The following PLXDC2 variants were observed in gnomAD, a reference collection of about 807,000 sequenced individuals.
PLXDC2 encodes the protein plexin domain containing 2, also known as plexin domain-containing protein 2.
PLXDC2 carries 40 observed loss-of-function variants against 68.9 expected under a neutral mutation model. That is an observed-to-expected ratio of 0.58 (90% CI 0.45 to 0.76). The LOEUF (loss-of-function observed/expected upper bound fraction) is 0.76. Ranked by LOEUF, PLXDC2 falls within the 30% of genes least tolerant of loss-of-function variation. The pLI is 0.00. For missense variants in PLXDC2, 644 were observed against 661.9 expected (o/e 0.97, Z 0.30); for synonymous variants, 243 against 234.2 (o/e 1.04, Z -0.34).
At chr10:20,151,193 C>T (rs1834147907) in intron 6 of PLXDC2, among the ~76,000 whole-genome samples, 1 of 151,914 alleles carries the variant, frequency 6.6e-6, no homozygotes, top group Non-Finnish European at 1.5e-5. Context: ...TAAGAGAGTC[C>T]CCTTGCATTT....
At chr10:19,837,399 A>AGT (rs1319643480) in intron 1 of PLXDC2, among the ~76,000 whole-genome samples, 7 of 107,836 alleles carry the variant, frequency 6.5e-5, no homozygotes, top group Non-Finnish European at 9.4e-5. Flanking sequence ...AGAGAGAGAG[A>AGT]GAGAGAGAGA....
chr10:20,174,883 G>T lies in PLXDC2; in HGVS notation c.884-2116G>T, dbSNP rs1834505441. On this transcript the variant is annotated intron_variant, in intron 7 of 13. Coordinates refer to ENST00000377252, the MANE Select transcript of PLXDC2 (RefSeq NM_032812.9). ...CCTCTGCAAGTTCTCGGATGAGTAGGTATCTTCCTTTTCTGAACACTTCTA... is the reference window on the plus strand; with the variant it reads ...CCTCTGCAAGTTCTCGGATGAGTAGTTATCTTCCTTTTCTGAACACTTCTA... 2.0e-5 allele frequency among the ~76,000 whole-genome samples: 3 copies of T among 152,144 alleles called. No homozygotes were observed. The South Asian group carries it at 6.2e-4, about 32-fold the overall frequency.
intron 6 of PLXDC2, among the ~76,000 whole-genome samples, chr10:20,154,374 G>C (rs1271802804): frequency 6.6e-6 from 1 of 152,058 alleles, no homozygotes; most frequent in African/African-American, 2.4e-5. Context: ...AGACCAGCCT[G>C]GCAACATGGT....
chr10:19,999,363 A>T (rs1487571944), intron 1 of PLXDC2, among the ~76,000 whole-genome samples: 1 of 150,698 alleles, frequency 6.6e-6, no homozygotes, highest in African/African-American at 2.4e-5. Flanking sequence ...TTTAATGAAG[A>T]CAAATCCTTT....
chr10:19,896,641 A>T (rs1234206776), intron 1 of PLXDC2, among the ~76,000 whole-genome samples: 1 of 152,164 alleles, frequency 6.6e-6, no homozygotes, highest in African/African-American at 2.4e-5. Flanking sequence ...AGCTTCGTGG[A>T]TGGCAGTTCT....
At chr10:19,848,435 G>C (rs1005633606) in intron 1 of PLXDC2, among the ~76,000 whole-genome samples, 2 of 152,120 alleles carry the variant, frequency 1.3e-5, no homozygotes, top group East Asian at 1.9e-4. Context: ...ACTTCTACCA[G>C]TTCCCCAGCA....
At chr10:19,968,905 A>G (rs1834306683) in intron 1 of PLXDC2, among the ~76,000 whole-genome samples, 1 of 152,148 alleles carries the variant, frequency 6.6e-6, no homozygotes, top group Admixed American at 6.5e-5. Flanking sequence ...CAAATTGAAA[A>G]CAGGTGGCAA....
intron 4 of PLXDC2, among the ~76,000 whole-genome samples, chr10:20,090,498 T>C (rs1833262185): frequency 6.6e-6 from 1 of 152,082 alleles, no homozygotes; most frequent in Admixed American, 6.6e-5. Context: ...ATATTGTCCA[T>C]ATATTTAAAC....
intron 4 of PLXDC2, among the ~76,000 whole-genome samples, chr10:20,115,986 T>C (rs1303456036): frequency 6.6e-6 from 1 of 152,220 alleles, no homozygotes; most frequent in African/African-American, 2.4e-5. Context: ...CTTTAGCAGA[T>C]AGAAAGTGGA....
At chr10:19,974,992 A>G (rs989259068) in intron 1 of PLXDC2, among the ~76,000 whole-genome samples, 3 of 152,208 alleles carry the variant, frequency 2.0e-5, no homozygotes, top group Non-Finnish European at 4.4e-5. Flanking sequence ...ATATGAACAC[A>G]TAGTTTAAAG....
chr10:19,818,329 T>G (rs1185241780), intron 1 of PLXDC2, among the ~76,000 whole-genome samples: 1 of 137,020 alleles, frequency 7.3e-6, no homozygotes, highest in East Asian at 2.3e-4. Flanking sequence ...AACTAGAGAG[T>G]CACAGATGGA....
intron 1 of PLXDC2, among the ~76,000 whole-genome samples, chr10:19,866,055 A>G (rs760359382): frequency 6.6e-6 from 1 of 152,220 alleles, no homozygotes; most frequent in African/African-American, 2.4e-5. Context: ...ATACATTGCA[A>G]AAAAATTATC....
chr10:19,895,401 T>G (rs1448266029), intron 1 of PLXDC2, among the ~76,000 whole-genome samples: 1 of 152,160 alleles, frequency 6.6e-6, no homozygotes, highest in African/African-American at 2.4e-5. Context: ...AATTCTAAAT[T>G]TCCCAGTAGC....
chr10:20,047,511 T>C (rs112434882), intron 3 of PLXDC2, among the ~76,000 whole-genome samples: 2,700 of 152,070 alleles, frequency 0.018, 77 homozygotes, highest in African/African-American at 0.061. Context: ...TAAAGAAAAA[T>C]AATAAAATAT....
intron 1 of PLXDC2, among the ~76,000 whole-genome samples, chr10:19,851,344 T>C (rs1048913078): frequency 3.3e-5 from 5 of 152,176 alleles, no homozygotes; most frequent in African/African-American, 1.2e-4. Context: ...GTTGTTGTTG[T>C]TTTTTAAGCA....
intron 9 of PLXDC2, among the ~76,000 whole-genome samples, chr10:20,182,140 T>G (rs932950243): frequency 1.3e-5 from 2 of 150,972 alleles, no homozygotes; most frequent in Non-Finnish European, 3.0e-5. Context: ...TATAATAAAA[T>G]ACACACATTT....
chr10:19,962,559 T>A (rs1834176272), intron 1 of PLXDC2, among the ~76,000 whole-genome samples: 1 of 149,114 alleles, frequency 6.7e-6, no homozygotes, highest in African/African-American at 2.4e-5. Flanking sequence ...CCCGGCTAAT[T>A]TTTTTGTATT....
chr10:20,099,552 TA>T (rs1029654344), intron 4 of PLXDC2, among the ~76,000 whole-genome samples: 1 of 152,208 alleles, frequency 6.6e-6, no homozygotes, highest in Non-Finnish European at 1.5e-5. Context: ...AGTTTTTCTT[TA>T]TATTGATTGT....
intron 4 of PLXDC2, among the ~76,000 whole-genome samples, chr10:20,130,132 A>G (rs146349037): frequency 6.6e-6 from 1 of 151,960 alleles, no homozygotes; most frequent in Non-Finnish European, 1.5e-5. Flanking sequence ...TTAATTTTCA[A>G]TTCTTCTCAT....
Sources: allele counts gnomAD v4.1 joint callset (sites outside exome capture counted in the v4.1 genomes callset), GRCh38; gene constraint gnomAD v4.1.1; transcripts MANE v1.5; gene names NCBI Gene and HGNC (gene_info 2026-07-23, HGNC 2026-07-21).